The following CFAP99 variants were observed in gnomAD, a reference collection of about 807,000 sequenced individuals.
The protein encoded by CFAP99 is cilia and flagella associated protein 99.
Under a neutral mutation model 82.7 loss-of-function variants are expected in CFAP99, and 84 were observed. That is an observed-to-expected ratio of 1.02 (90% CI 0.85 to 1.22). CFAP99 has a LOEUF of 1.22. Ranked by LOEUF, CFAP99 falls within the 50% of genes most tolerant of loss-of-function variation. The pLI is 0.00. For synonymous variants in CFAP99, 456 were observed against 429.5 expected, an observed-to-expected ratio of 1.06 and a Z score of -0.76; for missense variants, 1,059 against 983.5, an observed-to-expected ratio of 1.08 and a Z score of -1.03.
chr4:2,450,146 A>G, intron 8 of CFAP99, 141 bp downstream of exon 8: 1 of 847,818 alleles, frequency 1.2e-6, no homozygotes, highest in Non-Finnish European at 1.9e-6. Context: ...TCCCAGTAGC[A>G]CTGGGAAAGT....
Position 2,438,058 on chromosome 4 carries a change from C to T in CFAP99, c.257-12C>T. On this transcript the variant is annotated splice_polypyrimidine_tract_variant and intron_variant, in intron 3 of 14. Transcript: ENST00000635017. ...ACGTCCCTTAGCCTCTGACAGACCC[C>T]CTGTTTTCTAGTGATCTGCTACCTA... 1 of 1,508,346 alleles carries T rather than the reference C, an allele frequency of 6.6e-7. No homozygotes were observed. The highest frequency in any genetic ancestry group is 8.9e-7 in the Non-Finnish European group (1 of 1,122,040). The allele number at this position is 1,508,346 out of a possible 1,614,324, so 93.4% of individuals were successfully genotyped here. A position where few individuals can be genotyped will look rare whatever the true frequency, so the allele number is the denominator to read the frequency against.
chr4:2,458,424 C>T (rs1178823130), intron 11 of CFAP99, among the ~76,000 whole-genome samples: 7 of 152,122 alleles, frequency 4.6e-5, no homozygotes, highest in Admixed American at 2.0e-4. Context: ...CTACTGGGTG[C>T]ACTGGGTCTC....
At chr4:2,458,752 G>A in exon 12 of CFAP99, 1 of 1,535,624 alleles carries the variant, frequency 6.5e-7, no homozygotes, top group Non-Finnish European at 8.7e-7. Context: ...AGCGTGCAGA[G>A]AGACGGCTCC....
chr4:2,438,321 G>A lies in CFAP99; in HGVS notation c.351+157G>A, dbSNP rs1028961682. On this transcript the variant is annotated intron_variant, in intron 4 of 14. Transcript: ENST00000635017. ...TCTGTCGCCCAGGCTGGAGGGCAGT[G>A]GCGCGATCTCAGCTCACTGCAAACT... Among the ~76,000 whole-genome samples the A allele has an allele frequency of 3.3e-5, 5 of 152,172 alleles. No individual in the cohort carries two copies. The East Asian group carries it at 9.6e-4, about 29-fold the overall frequency.
rs552322783 is a variant in CFAP99 at position 2,455,192 on chromosome 4, G to A, written c.1161+2846G>A. 2.6e-5 allele frequency among the ~76,000 whole-genome samples: 4 copies of A among 152,358 alleles called. No individual in the cohort carries two copies. The South Asian group carries it at 6.2e-4, about 24-fold the overall frequency. On this transcript the variant is annotated intron_variant, in intron 11 of 14. Coordinates refer to ENST00000635017, the Ensembl canonical transcript of CFAP99. ...TGGGATTACGGAAATGCGCCTCTGC[G>A]CCCAGCCTAATGTTCTTTATATGTT...
At position 2,459,165 on chromosome 4, in the gene CFAP99, G is replaced by C. The variant is rs1262582402; in HGVS notation, c.1362G>C (p.Gln454His). 2.6e-6 allele frequency: 4 copies of C among 1,535,432 alleles called. No individual in the cohort carries two copies. In the African/African-American group the frequency reaches 5.5e-5, roughly 21 times the overall value. ...TGCAGCGCAGGGCGCAGGCAGCCCA[G>C]GAGGAGCAGCGGCGCCGTTGTGAAC... is the stretch of plus-strand genomic sequence containing the variant. The change falls in exon 13 of 15, where the codon CAG (glutamine) becomes CAC (histidine). Residue 454 changes from glutamine to histidine, a missense_variant. By Grantham distance (24) the Gln-to-His change is conservative (BLOSUM62 0). Coordinates refer to ENST00000635017, the Ensembl canonical transcript of CFAP99.
chr4:2,422,722 C>T (rs1733609594), intron 1 of CFAP99, among the ~76,000 whole-genome samples: 1 of 152,138 alleles, frequency 6.6e-6, no homozygotes, highest in South Asian at 2.1e-4. Context: ...GCAAGGGGAC[C>T]CCATCCCAGG....
intron 2 of CFAP99, among the ~76,000 whole-genome samples, chr4:2,435,853 G>GAGGTGGGAAGCAGCTACTCAGGAGGCCA (rs1733896626): frequency 6.7e-6 from 1 of 148,774 alleles, no homozygotes; most frequent in African/African-American, 2.5e-5. Flanking sequence ...TCAGGAGGCC[G>GAGGTGGGAAGCAGCTACTCAGGAGGCCA]AGGTGGGAAG....
intron 1 of CFAP99, among the ~76,000 whole-genome samples, chr4:2,422,747 A>AACGTG (rs1477666504): frequency 1.3e-5 from 2 of 152,168 alleles, no homozygotes; most frequent in Non-Finnish European, 2.9e-5. Context: ...CCTGACCCAC[A>AACGTG]ACGTGACGTG....
intron 2 of CFAP99, among the ~76,000 whole-genome samples, chr4:2,430,943 C>T (rs939644790): frequency 6.6e-6 from 1 of 151,914 alleles, no homozygotes; most frequent in East Asian, 1.9e-4. Context: ...CACAGTGGCA[C>T]GTGCTTGTAG....
chr4:2,457,233 G>A (rs1578482764), intron 11 of CFAP99, among the ~76,000 whole-genome samples: 1 of 152,204 alleles, frequency 6.6e-6, no homozygotes, highest in South Asian at 2.1e-4. Context: ...GTGAGCCGCT[G>A]CAGCTGGCCC....
chr4:2,431,104 C>T (rs980735939), intron 2 of CFAP99, among the ~76,000 whole-genome samples: 1 of 151,788 alleles, frequency 6.6e-6, no homozygotes. Flanking sequence ...CGCGGTGGCT[C>T]ATGCCTGTAA....
Position 2,455,262 on chromosome 4 carries a change from T to G in CFAP99, c.1161+2916T>G, listed in dbSNP as rs553865071. On this transcript the variant is annotated intron_variant, in intron 11 of 14. Coordinates refer to ENST00000635017, the Ensembl canonical transcript of CFAP99. ...AATAGATTGTTGCAGATTGCTTTTT[T>G]TCCAGTTTGTCATTTGACTTTGTAT... 5.4e-4 allele frequency among the ~76,000 whole-genome samples: 82 copies of G among 152,410 alleles called. 1 individual carries two copies. The highest frequency in any genetic ancestry group is 1.7e-3 in the South Asian group (8 of 4,830).
In CFAP99 at chr4:2,448,325, A is replaced by G. The variant is rs771808130; in HGVS notation, c.643-1345A>G. On this transcript the variant is annotated intron_variant, in intron 6 of 14. Transcript: ENST00000635017. This position sits in a 1 kb window ranked among gnomAD's most constrained non-coding sequence, Gnocchi z 5.2. The stretch of plus-strand genomic sequence containing the variant: ...GCCTGGGCCCTCACCATGTCCTCCC[A>G]TGCTCTATAGCTGTGTGCCTCTCAG... 3.9e-5 allele frequency among the ~76,000 whole-genome samples: 6 copies of G among 152,144 alleles called. No individual in the cohort carries two copies. The highest frequency in any genetic ancestry group is 8.8e-5 in the Non-Finnish European group (6 of 68,036).
chr4:2,446,424 G>A lies in CFAP99; in HGVS notation c.642+1116G>A, dbSNP rs189981300. On this transcript the variant is annotated intron_variant, in intron 6 of 14. Transcript: ENST00000635017. The surrounding 1 kb of genome is among the most constrained non-coding windows in gnomAD (Gnocchi z 5.0). ...TTATTATTATTTGAGACAGAGTCTC[G>A]CTCTGTCACCCAGGCTGGAGTGCAG... Among the ~76,000 whole-genome samples the A allele has an allele frequency of 0.024, 3,681 of 151,208 alleles. 140 individuals are homozygous for A. Among genetic ancestry groups the A allele is most frequent in the African/African-American group, 0.082 (3,340 of 40,976 alleles).
At chr4:2,431,227 G>C (rs1195478250) in intron 2 of CFAP99, among the ~76,000 whole-genome samples, 2 of 151,512 alleles carry the variant, frequency 1.3e-5, no homozygotes, top group Non-Finnish European at 2.9e-5. Context: ...AAATTAGCCA[G>C]GCATGGTGGC....
intron 4 of CFAP99, among the ~76,000 whole-genome samples, chr4:2,441,202 C>G (rs1418995103): frequency 6.6e-6 from 1 of 151,660 alleles, no homozygotes; most frequent in African/African-American, 2.4e-5. Context: ...GAAACCCCGT[C>G]TCTATTAAAA....
rs1404575260 is a variant in CFAP99, at chr4:2,462,718, G to T, written c.1937G>T (p.Arg646Leu). The change falls in exon 15 of 15, where the codon CGG (arginine) becomes CTG (leucine). Residue 646 changes from arginine (R) to leucine (L), a missense_variant. By Grantham distance (102) the Arg-to-Leu change is moderately radical. Coordinates refer to ENST00000635017, the Ensembl canonical transcript of CFAP99. The surrounding 1 kb of genome is among the most constrained non-coding windows in gnomAD (Gnocchi z 4.1). ...CCGGGGCGGGGATGGCGGGGAGATC[G>T]GGTCCGGTCCGCGGCCGGGAGATAC... The T allele has an allele frequency of 2.4e-5, 30 of 1,241,404 alleles. No individual in the cohort carries two copies. The East Asian group carries it at 1.0e-3, about 42-fold the overall frequency. 76.9% of individuals were successfully genotyped at this position (1,241,404 alleles called of 1,614,324 possible).
At chr4:2,451,400 G>T in intron 10 of CFAP99, 48 bp downstream of exon 10, 1 of 1,519,488 alleles carries the variant, frequency 6.6e-7, no homozygotes, top group South Asian at 1.2e-5. Context: ...CATCACCCTT[G>T]AGAGGAAAGG....
Sources: gnomAD v4.1 joint callset for allele counts (sites outside exome capture counted in the v4.1 genomes callset) on GRCh38, gnomAD v4.1.1 for gene constraint, Gnocchi (gnomAD v3.1) non-coding constraint, MANE v1.5 for transcripts, NCBI Gene and HGNC (gene_info 2026-07-23, HGNC 2026-07-21) for gene names.